B3GALT5: variants seen among roughly 807,000 people sequenced by gnomAD.
The protein encoded by B3GALT5 is beta-1,3-galactosyltransferase 5.
For synonymous variants in B3GALT5, 156 were observed against 158.6 expected, an observed-to-expected ratio of 0.98 and a Z score of 0.12; for missense variants, 328 against 396.6, an observed-to-expected ratio of 0.83 and a Z score of 1.47.
intron 2 of B3GALT5, among the ~76,000 whole-genome samples, chr21:39,650,014 T>C (rs2079379584): frequency 6.6e-6 from 1 of 152,098 alleles, no homozygotes; most frequent in African/African-American, 2.4e-5. Context: ...GCTTGGCTCA[T>C]GCTGTGAATC....
chr21:39,626,613 C>CT (rs912452752), intron 1 of B3GALT5, among the ~76,000 whole-genome samples: 2 of 151,214 alleles, frequency 1.3e-5, no homozygotes, highest in African/African-American at 4.8e-5. Flanking sequence ...GTTTTTTTTT[C>CT]TTTTTTTCAT....
intron 1 of B3GALT5, among the ~76,000 whole-genome samples, chr21:39,639,408 C>CTT (rs1314384832): frequency 3.8e-4 from 31 of 82,172 alleles, no homozygotes; most frequent in African/African-American, 6.4e-4. Flanking sequence ...CTTTTTCTTT[C>CTT]TTTCTTTCTT....
intron 1 of B3GALT5, among the ~76,000 whole-genome samples, chr21:39,638,148 G>A (rs1244054876): frequency 3.3e-5 from 5 of 152,144 alleles, no homozygotes; most frequent in Non-Finnish European, 7.4e-5. Flanking sequence ...CCTGGTTAGG[G>A]CTCCATCCCT....
chr21:39,613,912 C>T (rs574975072), intron 1 of B3GALT5, among the ~76,000 whole-genome samples: 4 of 152,326 alleles, frequency 2.6e-5, no homozygotes, highest in African/African-American at 7.2e-5. Flanking sequence ...TTATATGTGG[C>T]CACCTATTGT....
rs772814552 is a variant in B3GALT5, at chr21:39,660,618, G to T, written c.59G>T (p.Cys20Phe). 6.9e-7 allele frequency: 1 copy of T among 1,456,884 alleles called. No individual in the cohort carries two copies. Among genetic ancestry groups the T allele is most frequent in the South Asian group, 1.7e-5 (1 of 60,332 alleles). The allele number at this position is 1,456,884 out of a possible 1,614,324, so 90.2% of individuals were successfully genotyped here. The stretch of plus-strand genomic sequence containing the variant: ...TGCCTTCTGGTTCTGGGGGCTCTTT[G>T]TTTGTATTTTAGCATGTACAGTCTA... ...YICLLVLGAL[C>F]LYFSMYSLNP... Residue 20 changes from cysteine (C) to phenylalanine (F), a missense_variant, in exon 4 of 4, where the codon TGT becomes TTT. Physicochemically the swap from Cys to Phe is radical, Grantham distance 205. Coordinates refer to ENST00000684187, the MANE Select transcript of B3GALT5 (RefSeq NM_001356336.2).
At chr21:39,639,409 T>TTTCTTTCC (rs2079266881) in intron 1 of B3GALT5, among the ~76,000 whole-genome samples, 1 of 88,790 alleles carries the variant, frequency 1.1e-5, no homozygotes, top group African/African-American at 4.4e-5. Flanking sequence ...TTTTTCTTTC[T>TTTCTTTCC]TTCTTTCTTT....
chr21:39,636,398 T>G (rs969273487), intron 1 of B3GALT5, among the ~76,000 whole-genome samples: 3 of 152,080 alleles, frequency 2.0e-5, no homozygotes, highest in African/African-American at 7.2e-5. Flanking sequence ...AAATGTGACT[T>G]TAGCCAGGAG....
rs2079611666 is a variant in B3GALT5, at chr21:39,669,827, G to C, written c.*8335G>C. On this transcript the variant is annotated 3_prime_UTR_variant, in exon 4 of 4. Coordinates refer to ENST00000684187, the MANE Select transcript of B3GALT5 (RefSeq NM_001356336.2). ...CTTGCTTTTCTCCACTTGGCACAGT[G>C]GTGAGTCCTCCGATGTATCTGCTTT... 6.6e-6 allele frequency: 1 copy of C among 152,210 alleles called. No homozygotes were observed. Among genetic ancestry groups the C allele is most frequent in the African/African-American group, 2.4e-5 (1 of 41,442 alleles). 9.4% of individuals were successfully genotyped at this position (152,210 alleles called of 1,614,324 possible).
chr21:39,628,708 G>T (rs189173444), intron 1 of B3GALT5, among the ~76,000 whole-genome samples: 1 of 152,304 alleles, frequency 6.6e-6, no homozygotes, highest in Admixed American at 6.5e-5. Flanking sequence ...GTCCTGTACA[G>T]GGGACCTAAT....
At chr21:39,628,512 T>C (rs1483390868) in intron 1 of B3GALT5, among the ~76,000 whole-genome samples, 1 of 152,252 alleles carries the variant, frequency 6.6e-6, no homozygotes, top group African/African-American at 2.4e-5. Flanking sequence ...GGGAGGCTTC[T>C]TGTAGCACAA....
intron 1 of B3GALT5, among the ~76,000 whole-genome samples, chr21:39,626,645 C>T (rs2079165431): frequency 6.6e-6 from 1 of 151,880 alleles, no homozygotes; most frequent in South Asian, 2.1e-4. Flanking sequence ...CTGGTAGGTG[C>T]GAAGTGCTGT....
At chr21:39,650,342 G>A (rs891715510) in intron 2 of B3GALT5, among the ~76,000 whole-genome samples, 7 of 152,172 alleles carry the variant, frequency 4.6e-5, no homozygotes, top group South Asian at 2.1e-4. Flanking sequence ...CCAACAGGGC[G>A]TGTTCCTGCC....
rs781127671 is a variant in B3GALT5, at chr21:39,660,695, A to C, written c.136A>C (p.Lys46Gln). 3 of 1,560,074 alleles carry C rather than the reference A, an allele frequency of 1.9e-6. No individual in the cohort carries two copies. Among genetic ancestry groups the C allele is most frequent in the Admixed American group, 2.0e-5 (1 of 50,954 alleles). The change falls in exon 4 of 4, where the codon AAG becomes CAG. Residue 46 changes from lysine to glutamine, a missense_variant. By Grantham distance (53) the Lys-to-Gln change is moderately conservative. Transcript: ENST00000684187. The part of the protein sequence containing the change: ...FVYKKDGNFL[K>Q]LPDTDCRQTP... ...TTACAAGAAAGACGGGAACTTCCTT[A>C]AGCTCCCAGATACAGACTGCAGGCA...
chr21:39,660,989 C>T lies in B3GALT5; in HGVS notation c.430C>T (p.Arg144Cys), dbSNP rs778291682. The T allele has an allele frequency of 3.5e-5, 57 of 1,611,560 alleles. No individual in the cohort carries two copies. The highest frequency in any genetic ancestry group is 1.6e-4 in the Middle Eastern group (1 of 6,078). Residue 144 changes from arginine to cysteine, a missense_variant, in exon 4 of 4, where the codon CGC (arginine) becomes TGC (cysteine). Transcript: ENST00000684187. ...CATGATGGGCATAGAATGGGTCCAT[C>T]GCTTTTGTCCTCAGGCGGCGTTTGT... Reference protein sequence around the residue: ...KTMMGIEWVHRFCPQAAFVMK... With the variant: ...KTMMGIEWVHCFCPQAAFVMK...
intron 1 of B3GALT5, among the ~76,000 whole-genome samples, chr21:39,634,876 A>G (rs1053504285): frequency 1.3e-5 from 2 of 151,958 alleles, no homozygotes; most frequent in Non-Finnish European, 1.5e-5. Flanking sequence ...GAATCTTCCC[A>G]TTTTCCCAGA....
chr21:39,635,809 A>G (rs754808950), intron 1 of B3GALT5, among the ~76,000 whole-genome samples: 2 of 152,004 alleles, frequency 1.3e-5, no homozygotes, highest in Non-Finnish European at 2.9e-5. Flanking sequence ...TCACATTCCT[A>G]TCTCCTGGGA....
rs560085090 is a variant in B3GALT5 at position 39,667,040 on chromosome 21, T to C, written c.*5548T>C. 1.8e-4 allele frequency: 27 copies of C among 152,378 alleles called. No homozygotes were observed. The highest frequency in any genetic ancestry group is 6.5e-4 in the African/African-American group (27 of 41,590). The allele number at this position is 152,378 out of a possible 1,614,324, so 9.4% of individuals were successfully genotyped here. A position where few individuals can be genotyped will look rare whatever the true frequency, so the allele number is the denominator to read the frequency against. On this transcript the variant is annotated 3_prime_UTR_variant, in exon 4 of 4. Transcript: ENST00000684187. ...GCCCAGGGAAGCCAGTGACTTGCCC[T>C]CTGGCACCCTGTCCTGAGGGTAGAG... is the stretch of plus-strand genomic sequence containing the variant.
At chr21:39,615,697 T>G (rs1361430672) in intron 1 of B3GALT5, among the ~76,000 whole-genome samples, 3 of 152,224 alleles carry the variant, frequency 2.0e-5, no homozygotes, top group Non-Finnish European at 4.4e-5. Flanking sequence ...TGCCTCAGTT[T>G]CGTTAATTGA....
chr21:39,614,516 C>T (rs2079097344), intron 1 of B3GALT5, among the ~76,000 whole-genome samples: 1 of 152,156 alleles, frequency 6.6e-6, no homozygotes, highest in South Asian at 2.1e-4. Flanking sequence ...AAGGGCATCC[C>T]TTCTTTTGTA....
Sources: allele counts gnomAD v4.1 joint callset (sites outside exome capture counted in the v4.1 genomes callset), GRCh38; gene constraint gnomAD v4.1.1; transcripts MANE v1.5; gene names NCBI Gene and HGNC (gene_info 2026-07-23, HGNC 2026-07-21).